Variants in DNPEP observed in about 807,000 individuals in gnomAD.
DNPEP encodes aspartyl aminopeptidase.
In DNPEP, 46 loss-of-function variants were observed where a neutral mutation model predicts 59.1. That is an observed-to-expected ratio of 0.78 (90% CI 0.61 to 0.99). The LOEUF (loss-of-function observed/expected upper bound fraction) is 0.99, where lower values mean the gene tolerates loss of function less well. DNPEP is among the 50% of genes least tolerant of loss of function. DNPEP has a pLI of 0.00. For synonymous variants in DNPEP, 229 were observed against 242.2 expected (o/e 0.95, Z 0.50); for missense variants, 617 against 649.9 (o/e 0.95, Z 0.55).
At position 219,387,803 on chromosome 2, in the gene DNPEP, C is replaced by G; in HGVS notation, c.-9G>C. On this transcript the variant is annotated 5_prime_UTR_variant, in exon 1 of 15. Coordinates refer to ENST00000273075, the MANE Select transcript of DNPEP (RefSeq NM_012100.4). ...GGGCTGTGTCCGCTCATCTGGCCTC[C>G]GGGCTCGGCCCGCCCCCACCGCGCC... The G allele has an allele frequency of 3.8e-6, 6 of 1,583,504 alleles. No homozygotes were observed. The highest frequency in any genetic ancestry group is 5.1e-6 in the Non-Finnish European group (6 of 1,166,952).
intron 9 of DNPEP, 80 bp downstream of exon 9, chr2:219,384,286 G>T: frequency 1.4e-6 from 2 of 1,380,696 alleles, no homozygotes; most frequent in South Asian, 1.3e-5. Flanking sequence ...ACCTGCTGGG[G>T]CTTTAGGCAG....
Position 219,386,682 on chromosome 2 carries a change from C to G in DNPEP, c.316G>C (p.Asp106His). 1 of 1,612,140 alleles carries G rather than the reference C, an allele frequency of 6.2e-7. No individual in the cohort carries two copies. The highest frequency in any genetic ancestry group is 8.5e-7 in the Non-Finnish European group (1 of 1,179,488). Residue 106 changes from aspartate to histidine, a missense_variant, in exon 4 of 15, where the codon GAC (aspartate) becomes CAC (histidine). By Grantham distance (81) the Asp-to-His change is moderately conservative. Coordinates refer to ENST00000273075, the MANE Select transcript of DNPEP (RefSeq NM_012100.4). ...TTCCTTACCCGGAGGCAGGGGCTGT[C>G]CGTGTGGGCCCCGATGAGGCTGAAG... ...NGFSLIGAHT[D>H]SPCLRVKRRS...
At chr2:219,378,951 CTT>C (rs1043221517) in intron 13 of DNPEP, among the ~76,000 whole-genome samples, 5 of 152,266 alleles carry the variant, frequency 3.3e-5, no homozygotes, top group African/African-American at 1.2e-4. Context: ...GAGTTTCACT[CTT>C]GTCGCCCAGG....
intron 5 of DNPEP, 82 bp downstream of exon 5, chr2:219,386,204 C>T: frequency 6.2e-7 from 1 of 1,610,188 alleles, no homozygotes; most frequent in Non-Finnish European, 8.5e-7. Context: ...ACTGCCCCCA[C>T]CCCTCTTCCC....
chr2:219,374,790 C>A lies in DNPEP; in HGVS notation c.1407+65G>T. ...CTTTGTGATGGCGATGTTGTCCCAG[C>A]AACCAATCCAGGCACTAGAGGGGAA... On this transcript the variant is annotated intron_variant, in intron 14 of 14. Coordinates refer to ENST00000273075, the MANE Select transcript of DNPEP (RefSeq NM_012100.4). 1.9e-6 allele frequency: 3 copies of A among 1,558,568 alleles called. No homozygotes were observed. In the South Asian group the frequency reaches 3.5e-5, roughly 18 times the overall value.
Position 219,386,006 on chromosome 2 carries a change from A to G in DNPEP, c.552T>C (p.Asn184=). Residue 184 remains asparagine (N), a synonymous_variant, in exon 6 of 15, where the codon AAT becomes AAC. Transcript: ENST00000273075. ...IPHLAIHLQR[N]INENFGPNTE... is the part of the protein sequence containing the mutation. ...TGTTGGGCCCAAAGTTCTCGTTGAT[A>G]TTTCGCTGCAGATGGATGGCCAGGT... is the stretch of plus-strand genomic sequence containing the variant. The G allele has an allele frequency of 6.2e-7, 1 of 1,614,074 alleles. No homozygotes were observed.
intron 10 of DNPEP, 22 bp downstream of exon 10, chr2:219,383,109 C>T (rs1953665803): frequency 6.2e-7 from 1 of 1,610,114 alleles, no homozygotes; most frequent in East Asian, 2.2e-5. Flanking sequence ...AGAGGTGACC[C>T]TCCCCAGAAC....
Position 219,385,439 on chromosome 2 carries a change from T to C in DNPEP, c.759A>G (p.Ala253=). 2 of 1,610,716 alleles carry C rather than the reference T, an allele frequency of 1.2e-6. No individual in the cohort carries two copies. Among genetic ancestry groups the C allele is most frequent in the Non-Finnish European group, 1.7e-6 (2 of 1,177,198 alleles). ...KDIVEMELCL[A]DTQPAVLGGA... is the part of the protein sequence containing the mutation. The stretch of plus-strand genomic sequence containing the variant: ...CAGTCCTCACCGCAGGCTGGGTGTC[T>C]GCAAGGCAGAGCTCCATCTCCACTA... The change falls in exon 8 of 15, where the codon GCA becomes GCG. Residue 253 remains alanine (A), a synonymous_variant. Coordinates refer to ENST00000273075, the MANE Select transcript of DNPEP (RefSeq NM_012100.4).
Position 219,387,805 on chromosome 2 carries a change from GGCTCGGCCCGCCCCCACCGCGCC to G in DNPEP, c.-34_-12del, listed in dbSNP as rs911175110. Reference sequence around the variant, plus strand: ...GCTGTGTCCGCTCATCTGGCCTCCGGGCTCGGCCCGCCCCCACCGCGCCGCCTGCCCCGCCCCTCACTAGCTTT... The same window carrying G: ...GCTGTGTCCGCTCATCTGGCCTCCGGGCCTGCCCCGCCCCTCACTAGCTTT... On this transcript the variant is annotated 5_prime_UTR_variant, in exon 1 of 15. Coordinates refer to ENST00000273075, the MANE Select transcript of DNPEP (RefSeq NM_012100.4). 1 of 1,581,336 alleles carries G rather than the reference GGCTCGGCCCGCCCCCACCGCGCC, an allele frequency of 6.3e-7. No individual in the cohort carries two copies. Among genetic ancestry groups the G allele is most frequent in the African/African-American group, 1.4e-5 (1 of 72,270 alleles).
chr2:219,397,426 C>T lies in DNPEP; in HGVS notation c.-158+2514G>A, dbSNP rs192404300. 9.9e-4 allele frequency among the ~76,000 whole-genome samples: 151 copies of T among 152,104 alleles called. 1 individual carries two copies. Among genetic ancestry groups the T allele is most frequent in the African/African-American group, 2.1e-3 (86 of 41,486 alleles). ...TGTTGCCCAGGCTGGAGTACAGTGG[C>T]GTGATCTTGGCTCACTGCAACTTCA... On this transcript the variant is annotated intron_variant, in intron 1 of 6. Transcript: ENST00000434339.
chr2:219,381,499 G>T lies in DNPEP; in HGVS notation c.1137+46C>A, dbSNP rs369017408. 2.7e-5 allele frequency: 44 copies of T among 1,613,720 alleles called. 1 individual carries two copies. The African/African-American group carries it at 4.7e-4, about 17-fold the overall frequency. ...CCCAAAGGGAATGAGTCGGCGCTCGGAACAGCCAGACCTCCAAGTCCCTAG... is the reference window on the plus strand; with the variant it reads ...CCCAAAGGGAATGAGTCGGCGCTCGTAACAGCCAGACCTCCAAGTCCCTAG... On this transcript the variant is annotated intron_variant, in intron 12 of 14. Transcript: ENST00000273075.
chr2:219,377,569 C>T (rs1953424907), intron 13 of DNPEP, among the ~76,000 whole-genome samples: 1 of 152,008 alleles, frequency 6.6e-6, no homozygotes, highest in African/African-American at 2.4e-5. Flanking sequence ...TTGAGGATAA[C>T]TGGGGAAAAC....
intron 13 of DNPEP, among the ~76,000 whole-genome samples, 157 bp from the exon 14 acceptor site, chr2:219,375,179 C>T (rs1343612986): frequency 6.6e-6 from 1 of 152,126 alleles, no homozygotes; most frequent in African/African-American, 2.4e-5. Context: ...CCCCAAAGGA[C>T]AATATATTCT....
chr2:219,387,413 GC>G, intron 1 of DNPEP: 1 of 1,433,724 alleles, frequency 7.0e-7, no homozygotes, highest in Non-Finnish European at 9.2e-7. Context: ...CCTAAGTCCC[GC>G]CCCCATGTCC....
Position 219,386,369 on chromosome 2 carries a change from C to T in DNPEP, c.376G>A (p.Val126Ile), listed in dbSNP as rs558527256. ...CCACCACCATAGGTCTCCACACCGA[C>T]TTGCTGGAAGCCCACCTGGCTGCGG... ...SRRSQVGFQQVGVETYGGGIW... is the reference protein window; with the variant it reads ...SRRSQVGFQQIGVETYGGGIW... The change falls in exon 5 of 15, where the codon GTC becomes ATC. Residue 126 changes from valine to isoleucine, a missense_variant. Val to Ile is a conservative substitution (Grantham distance 29). Transcript: ENST00000273075. 6.2e-7 allele frequency: 1 copy of T among 1,614,250 alleles called. No homozygotes were observed. Among genetic ancestry groups the T allele is most frequent in the East Asian group, 2.2e-5 (1 of 44,888 alleles).
chr2:219,383,212 G>A lies in DNPEP; in HGVS notation c.855C>T (p.Ala285=), dbSNP rs1953673225. The change falls in exon 10 of 15, where the codon GCC becomes GCT. Residue 285 remains alanine (A), a splice_region_variant and synonymous_variant. Transcript: ENST00000273075. ...CAGGGCCTGCACAGGAATCTATCAAGGCCTGGTTCAGGGAAGGAAATGAGA... is the reference window on the plus strand; with the variant it reads ...CAGGGCCTGCACAGGAATCTATCAAAGCCTGGTTCAGGGAAGGAAATGAGA... ...NLHSCFCALQ[A]LIDSCAGPGS... is the part of the protein sequence containing the mutation. The A allele has an allele frequency of 2.5e-6, 4 of 1,614,046 alleles. No homozygotes were observed. The highest frequency in any genetic ancestry group is 2.2e-5 in the East Asian group (1 of 44,876).
chr2:219,380,332 T>A (rs900644378), intron 13 of DNPEP, among the ~76,000 whole-genome samples: 7 of 151,404 alleles, frequency 4.6e-5, no homozygotes, highest in Admixed American at 1.3e-4. Context: ...CCTTCCCAAG[T>A]AGGGAAGGCC....
chr2:219,395,436 A>G (rs1954081229), intron 1 of DNPEP, among the ~76,000 whole-genome samples: 1 of 152,162 alleles, frequency 6.6e-6, no homozygotes, highest in Non-Finnish European at 1.5e-5. Flanking sequence ...CCCTTGTTCC[A>G]CAGGATGGGA....
chr2:219,377,886 G>A (rs1380240193), intron 13 of DNPEP, among the ~76,000 whole-genome samples: 1 of 151,532 alleles, frequency 6.6e-6, no homozygotes, highest in African/African-American at 2.4e-5. Context: ...TCATGCCACT[G>A]CACTCCAGCC....
Sources: gnomAD v4.1 joint callset for allele counts (sites outside exome capture counted in the v4.1 genomes callset) on GRCh38, gnomAD v4.1.1 for gene constraint, MANE v1.5 for transcripts, NCBI Gene and HGNC (gene_info 2026-07-23, HGNC 2026-07-21) for gene names.